UNC5D: variants seen among roughly 807,000 people sequenced by gnomAD.
UNC5D encodes netrin receptor UNC5D.
In UNC5D, 39 loss-of-function variants were observed where a neutral mutation model predicts 105.4. The ratio of observed to expected loss-of-function variants is 0.37; its 90% CI spans 0.29 to 0.48. The LOEUF (loss-of-function observed/expected upper bound fraction) is 0.48. UNC5D is among the 20% of genes least tolerant of loss of function. UNC5D has a pLI of 0.98. For missense variants in UNC5D, 991 were observed against 1,202.4 expected (o/e 0.82, Z 2.60); for synonymous variants, 452 against 450.4 (o/e 1.00, Z -0.04).
chr8:35,597,149 C>T (rs1051439918), intron 4 of UNC5D, among the ~76,000 whole-genome samples: 4 of 152,186 alleles, frequency 2.6e-5, no homozygotes, highest in African/African-American at 7.2e-5. Flanking sequence ...AACACACATA[C>T]TTGCATATTT....
At chr8:35,264,479 G>A (rs113132298) in intron 1 of UNC5D, among the ~76,000 whole-genome samples, 3,125 of 152,266 alleles carry the variant, frequency 0.021, 60 homozygotes, top group Non-Finnish European at 0.029. Context: ...TGTCATTCCA[G>A]CACTTTGGGA....
At chr8:35,527,625 C>A (rs544828106) in intron 1 of UNC5D, among the ~76,000 whole-genome samples, 1 of 152,130 alleles carries the variant, frequency 6.6e-6, no homozygotes, top group African/African-American at 2.4e-5. Flanking sequence ...TCACTGCAAC[C>A]TCTGCTTCCT....
At chr8:35,307,863 A>G (rs1808543563) in intron 1 of UNC5D, among the ~76,000 whole-genome samples, 4 of 152,128 alleles carry the variant, frequency 2.6e-5, no homozygotes, top group Admixed American at 2.6e-4. Context: ...ATTGCAATGG[A>G]AAAGACTGTT....
At chr8:35,788,231 A>C (rs976964055) in intron 16 of UNC5D, among the ~76,000 whole-genome samples, 1 of 151,628 alleles carries the variant, frequency 6.6e-6, no homozygotes, top group African/African-American at 2.4e-5. Context: ...GGCTCTTATA[A>C]ATGGCAACGC....
chr8:35,616,690 T>A (rs985159931), intron 4 of UNC5D, among the ~76,000 whole-genome samples: 1 of 152,190 alleles, frequency 6.6e-6, no homozygotes, highest in African/African-American at 2.4e-5. Flanking sequence ...TGTAGGAGAT[T>A]ACATCCGTTA....
intron 1 of UNC5D, among the ~76,000 whole-genome samples, chr8:35,276,549 A>G (rs982745066): frequency 2.0e-5 from 3 of 152,194 alleles, no homozygotes; most frequent in African/African-American, 7.2e-5. Context: ...CCTTAAGCTG[A>G]TATCATTAAA....
At chr8:35,719,060 A>G (rs1828419892) in intron 8 of UNC5D, among the ~76,000 whole-genome samples, 1 of 151,532 alleles carries the variant, frequency 6.6e-6, no homozygotes, top group Admixed American at 6.6e-5. Flanking sequence ...GGAGGCTTCC[A>G]AGGTTCTTTA....
At chr8:35,444,267 A>G (rs1406370304) in intron 1 of UNC5D, among the ~76,000 whole-genome samples, 1 of 152,004 alleles carries the variant, frequency 6.6e-6, no homozygotes, top group Non-Finnish European at 1.5e-5. Context: ...AGCTCTTCTT[A>G]CTGAACCGAG....
At chr8:35,438,431 G>C (rs1230739991) in intron 1 of UNC5D, among the ~76,000 whole-genome samples, 1 of 152,034 alleles carries the variant, frequency 6.6e-6, no homozygotes, top group Non-Finnish European at 1.5e-5. Context: ...TTCCAACTCA[G>C]ATGGTTTGGA....
intron 1 of UNC5D, among the ~76,000 whole-genome samples, chr8:35,487,527 A>G (rs1810901329): frequency 6.6e-6 from 1 of 151,264 alleles, no homozygotes; most frequent in Admixed American, 6.6e-5. Context: ...ACATGAGCCA[A>G]TTCCTTAAAA....
intron 1 of UNC5D, among the ~76,000 whole-genome samples, chr8:35,485,159 G>C (rs2130027497): frequency 6.6e-6 from 1 of 152,244 alleles, no homozygotes; most frequent in South Asian, 2.1e-4. Context: ...AGAACACAAA[G>C]AAAGCAGGAC....
chr8:35,276,027 A>T lies in UNC5D; in HGVS notation c.103+40140A>T, dbSNP rs576701248. On this transcript the variant is annotated intron_variant, in intron 1 of 16. Coordinates refer to ENST00000404895, the MANE Select transcript of UNC5D (RefSeq NM_080872.4). ...AGATTTCCTTGTGGTTTAATATAGGATCAATTTTTTGTTAATGATTCATGG... is the reference window on the plus strand; with the variant it reads ...AGATTTCCTTGTGGTTTAATATAGGTTCAATTTTTTGTTAATGATTCATGG... Among the ~76,000 whole-genome samples the T allele has an allele frequency of 2.0e-5, 3 of 152,262 alleles. No homozygotes were observed. In the South Asian group the frequency reaches 6.2e-4, roughly 32 times the overall value.
At chr8:35,602,720 A>G (rs1479450489) in intron 4 of UNC5D, among the ~76,000 whole-genome samples, 3 of 151,928 alleles carry the variant, frequency 2.0e-5, no homozygotes, top group Non-Finnish European at 2.9e-5. Context: ...CTAGCAGTCT[A>G]TCTATTTTTT....
At chr8:35,498,961 AC>A (rs1339251217) in intron 1 of UNC5D, among the ~76,000 whole-genome samples, 7 of 152,108 alleles carry the variant, frequency 4.6e-5, no homozygotes, top group Non-Finnish European at 1.0e-4. Context: ...TGAAAATGGA[AC>A]CCAACCAATT....
chr8:35,691,094 A>C (rs994526293), intron 7 of UNC5D, among the ~76,000 whole-genome samples: 1 of 152,132 alleles, frequency 6.6e-6, no homozygotes, highest in African/African-American at 2.4e-5. Flanking sequence ...GATCACTTTA[A>C]TATTTGGGTG....
chr8:35,456,966 C>T lies in UNC5D; in HGVS notation c.104-92326C>T, dbSNP rs560435031. 3.3e-5 allele frequency among the ~76,000 whole-genome samples: 5 copies of T among 152,298 alleles called. No homozygotes were observed. In the East Asian group the frequency reaches 7.7e-4, roughly 24 times the overall value. The stretch of plus-strand genomic sequence containing the variant: ...CTATATGATGCATGAAATGCCTCTA[C>T]CTATGTTACTTGTGGTGCATTTTCT... On this transcript the variant is annotated intron_variant, in intron 1 of 16. Coordinates refer to ENST00000404895, the MANE Select transcript of UNC5D (RefSeq NM_080872.4).
At chr8:35,556,262 A>G (rs577432588) in intron 2 of UNC5D, among the ~76,000 whole-genome samples, 2 of 152,318 alleles carry the variant, frequency 1.3e-5, no homozygotes, top group South Asian at 2.1e-4. Context: ...AAACAAATAT[A>G]TAATCATAGA....
intron 1 of UNC5D, among the ~76,000 whole-genome samples, chr8:35,311,546 A>C (rs1528715): frequency 0.82 from 124,697 of 152,038 alleles, 51,593 homozygotes; most frequent in East Asian, 1. Flanking sequence ...ATGTAAAGAG[A>C]TTGCTATGGA....
intron 1 of UNC5D, among the ~76,000 whole-genome samples, chr8:35,356,185 G>A (rs191220363): frequency 1.8e-4 from 27 of 152,152 alleles, no homozygotes; most frequent in Admixed American, 3.9e-4. Context: ...GCTTTACCTC[G>A]TTTGCCTATT....
Sources: gnomAD v4.1 joint callset for allele counts (sites outside exome capture counted in the v4.1 genomes callset) on GRCh38, gnomAD v4.1.1 for gene constraint, MANE v1.5 for transcripts, NCBI Gene and HGNC (gene_info 2026-07-23, HGNC 2026-07-21) for gene names.